ANK2: variants seen among roughly 807,000 people sequenced by gnomAD.
ANK2 encodes ankyrin-2.
In ANK2, 83 loss-of-function variants were observed where a neutral mutation model predicts 360.5. The ratio of observed to expected loss-of-function variants is 0.23; its 90% CI spans 0.19 to 0.28. The LOEUF (loss-of-function observed/expected upper bound fraction) is 0.28. Ranked by LOEUF, ANK2 falls within the 10% of genes least tolerant of loss-of-function variation. The probability of loss-of-function intolerance (pLI) is 1.00; values close to 1 mark genes in which losing one functional copy is unlikely to be tolerated. For synonymous variants in ANK2, 1,740 were observed against 1,759.5 expected, an observed-to-expected ratio of 0.99 and a Z score of 0.28; for missense variants, 4,201 against 4,795.7, an observed-to-expected ratio of 0.88 and a Z score of 3.66.
intron 1 of ANK2, among the ~76,000 whole-genome samples, chr4:112,842,343 C>T (rs1233731732): frequency 6.6e-6 from 1 of 152,162 alleles, no homozygotes; most frequent in Non-Finnish European, 1.5e-5. Context: ...ATATCTGGTG[C>T]TTCTCTTAAA....
At chr4:113,375,126 G>T (rs2096878992) in intron 45 of ANK2, among the ~76,000 whole-genome samples, 1 of 152,166 alleles carries the variant, frequency 6.6e-6, no homozygotes, top group Non-Finnish European at 1.5e-5. Context: ...TTAAACTGTG[G>T]TGTTCATTGG....
chr4:113,002,955 T>C (rs1036043774), intron 2 of ANK2, among the ~76,000 whole-genome samples: 3 of 152,242 alleles, frequency 2.0e-5, no homozygotes, highest in African/African-American at 7.2e-5. Context: ...ACTTTGTCTC[T>C]TGGGAGACAC....
At chr4:113,039,585 T>TG (rs1163141571) in intron 2 of ANK2, among the ~76,000 whole-genome samples, 3 of 152,026 alleles carry the variant, frequency 2.0e-5, no homozygotes, top group Non-Finnish European at 2.9e-5. Context: ...CCTATGTGTT[T>TG]GCTGAGGAGT....
intron 2 of ANK2, among the ~76,000 whole-genome samples, chr4:112,923,579 A>G (rs2092004706): frequency 6.6e-6 from 1 of 152,130 alleles, no homozygotes; most frequent in Non-Finnish European, 1.5e-5. Context: ...TATGAATTAG[A>G]TATTAAGCAA....
intron 26 of ANK2, among the ~76,000 whole-genome samples, chr4:113,320,658 A>C (rs968934868): frequency 6.6e-6 from 1 of 151,762 alleles, no homozygotes; most frequent in Non-Finnish European, 1.5e-5. Context: ...CCATCTCCAA[A>C]AAAAACAAAA....
At chr4:113,017,627 G>A (rs1163623654) in intron 2 of ANK2, among the ~76,000 whole-genome samples, 8 of 152,098 alleles carry the variant, frequency 5.3e-5, no homozygotes. Flanking sequence ...TCCAAACCTT[G>A]GATTTGCATC....
chr4:113,372,026 A>T (rs918258830), intron 43 of ANK2, among the ~76,000 whole-genome samples: 1 of 152,048 alleles, frequency 6.6e-6, no homozygotes. Context: ...CCTTTTTTTG[A>T]TGCCAGGGAG....
chr4:112,997,716 A>T (rs2049071006), intron 2 of ANK2, among the ~76,000 whole-genome samples: 1 of 151,992 alleles, frequency 6.6e-6, no homozygotes, highest in South Asian at 2.1e-4. Flanking sequence ...TAAAAATTGT[A>T]TGTGGTATAC....
In ANK2 at chr4:113,275,356, A is replaced by G. The variant is rs564343911; in HGVS notation, c.1683+707A>G. Among the ~76,000 whole-genome samples the G allele has an allele frequency of 1.1e-3, 167 of 152,362 alleles. 2 individuals carry two copies. The highest frequency in any genetic ancestry group is 3.8e-3 in the African/African-American group (156 of 41,586). On this transcript the variant is annotated intron_variant, in intron 15 of 45. Transcript: ENST00000357077. The stretch of plus-strand genomic sequence containing the variant: ...AGATGACTTAGAATAAAACATGAAT[A>G]TACTCAGCTAATTAGAGCAAAATTA...
intron 2 of ANK2, among the ~76,000 whole-genome samples, chr4:112,961,140 C>T (rs1252492672): frequency 6.6e-6 from 1 of 151,132 alleles, no homozygotes; most frequent in Non-Finnish European, 1.5e-5. Flanking sequence ...AATATCACTG[C>T]AGAAGAGCTC....
chr4:113,234,749 A>G (rs1176948011), intron 5 of ANK2, among the ~76,000 whole-genome samples: 3 of 152,232 alleles, frequency 2.0e-5, no homozygotes, highest in Non-Finnish European at 4.4e-5. Context: ...TAATTGTGAG[A>G]TTATTCAATG....
intron 2 of ANK2, among the ~76,000 whole-genome samples, chr4:112,973,595 C>A (rs1343404254): frequency 6.6e-6 from 1 of 152,188 alleles, no homozygotes; most frequent in Non-Finnish European, 1.5e-5. Context: ...CAGATGCTAT[C>A]CTCTGCCTTC....
intron 1 of ANK2, among the ~76,000 whole-genome samples, chr4:113,157,337 G>A (rs2097340052): frequency 6.6e-6 from 1 of 152,162 alleles, no homozygotes; most frequent in Admixed American, 6.5e-5. Context: ...AACAGTCTAC[G>A]TGCTGTTATA....
chr4:112,984,013 T>C (rs1037819422), intron 2 of ANK2, among the ~76,000 whole-genome samples: 23 of 152,194 alleles, frequency 1.5e-4, no homozygotes, highest in African/African-American at 5.5e-4. Context: ...ATAATGATAA[T>C]TTGACATCCC....
chr4:113,250,611 A>T (rs796517636), intron 10 of ANK2, among the ~76,000 whole-genome samples: 7 of 152,250 alleles, frequency 4.6e-5, no homozygotes, highest in African/African-American at 1.4e-4. Flanking sequence ...GTTATCAGAA[A>T]ATATTTTGAG....
At chr4:112,940,578 T>G (rs571891445) in intron 2 of ANK2, among the ~76,000 whole-genome samples, 2 of 152,298 alleles carry the variant, frequency 1.3e-5, no homozygotes, top group South Asian at 2.1e-4. Context: ...CTCTCTCAAA[T>G]GCCAGAGGCA....
intron 2 of ANK2, among the ~76,000 whole-genome samples, chr4:112,940,827 A>G (rs1206598241): frequency 2.6e-5 from 4 of 152,030 alleles, no homozygotes; most frequent in African/African-American, 9.7e-5. Flanking sequence ...TGAGGCATCT[A>G]TTTTCTCTTG....
intron 1 of ANK2, among the ~76,000 whole-genome samples, chr4:113,149,874 C>CAAAAAAAAAAAAAAAAAAAAAAAAAAAAA (rs34667216): frequency 2.9e-4 from 9 of 31,406 alleles, no homozygotes; most frequent in African/African-American, 7.7e-4. Context: ...GACCCTGCCT[C>CAAAAAAAAAAAAAAAAAAAAAAAAAAAAA]AAAAAAAAAA....
Position 113,247,091 on chromosome 4 carries a change from TTGATCTACCTTTA to T in ANK2, c.892-2669_892-2657del, listed in dbSNP as rs572946838. 2.5e-3 allele frequency among the ~76,000 whole-genome samples: 379 copies of T among 152,042 alleles called. 2 individuals carry two copies. The highest frequency in any genetic ancestry group is 8.7e-3 in the African/African-American group (360 of 41,444). ...ATAAGTGGCATCCCTCCAATGTTGA[TTGATCTACCTTTA>T]TGAAAATTATCCACATCATGGTGTA... On this transcript the variant is annotated intron_variant, in intron 9 of 45. Coordinates refer to ENST00000357077, the MANE Select transcript of ANK2 (RefSeq NM_001148.6).
Sources: allele counts gnomAD v4.1 joint callset (sites outside exome capture counted in the v4.1 genomes callset), GRCh38; gene constraint gnomAD v4.1.1; transcripts MANE v1.5; gene names NCBI Gene and HGNC (gene_info 2026-07-23, HGNC 2026-07-21).